The following LAP3 variants were observed in gnomAD, a reference collection of about 807,000 sequenced individuals.
LAP3 encodes cytosol aminopeptidase.
A neutral mutation model predicts 58.8 loss-of-function variants in LAP3; 46 were observed. That is an observed-to-expected ratio of 0.78 (90% CI 0.62 to 1.00). The LOEUF is 1.00. Ranked by LOEUF, LAP3 falls within the 50% of genes least tolerant of loss-of-function variation. The probability of loss-of-function intolerance (pLI) is 0.00; values close to 1 mark genes in which losing one functional copy is unlikely to be tolerated. For synonymous variants in LAP3, 257 were observed against 237.7 expected (o/e 1.08, Z -0.75); for missense variants, 615 against 659.1 (o/e 0.93, Z 0.73).
intron 11 of LAP3, among the ~76,000 whole-genome samples, chr4:17,606,495 C>T (rs971482845): frequency 1.3e-5 from 2 of 152,116 alleles, no homozygotes; most frequent in Non-Finnish European, 2.9e-5. Context: ...CGCACCACCA[C>T]GCCCAGCTAA....
At chr4:17,603,444 G>A (rs1714028200) in intron 10 of LAP3, among the ~76,000 whole-genome samples, 1 of 151,930 alleles carries the variant, frequency 6.6e-6, no homozygotes, top group Non-Finnish European at 1.5e-5. Flanking sequence ...GATTGCTTGA[G>A]CCCAGGAGTT....
intron 5 of LAP3, among the ~76,000 whole-genome samples, chr4:17,584,548 G>A (rs1713452766): frequency 6.6e-6 from 1 of 152,248 alleles, no homozygotes; most frequent in Non-Finnish European, 1.5e-5. Flanking sequence ...TGCCACGTTA[G>A]AGCCATTGCC....
intron 6 of LAP3, chr4:17,585,665 C>G (rs1411517389): frequency 6.6e-6 from 1 of 152,630 alleles, no homozygotes; most frequent in Non-Finnish European, 1.5e-5. Flanking sequence ...CTGAAGCAAT[C>G]TCACCTTTTC....
intron 10 of LAP3, among the ~76,000 whole-genome samples, chr4:17,603,842 T>C (rs974238249): frequency 2.9e-5 from 4 of 139,554 alleles, no homozygotes; most frequent in African/African-American, 1.0e-4. Flanking sequence ...TTCTTTTTTT[T>C]TTGAGACAGA....
At position 17,581,792 on chromosome 4, in the gene LAP3, G is replaced by A. The variant is rs781094926; in HGVS notation, c.251G>A (p.Arg84Gln). 8.1e-6 allele frequency: 13 copies of A among 1,613,702 alleles called. No individual in the cohort carries two copies. Among genetic ancestry groups the A allele is most frequent in the South Asian group, 3.3e-5 (3 of 91,058 alleles). ...SGPPLKAGKT[R>Q]TFYGLHQDFP... ...CCACCTCTGAAGGCAGGGAAGACTC[G>A]AACCTTTTATGGTCTGCATCAGGTA... The change falls in exon 3 of 13, where the codon CGA (arginine) becomes CAA (glutamine). Residue 84 changes from arginine (R) to glutamine (Q), a missense_variant. Physicochemically the swap from Arg to Gln is conservative, Grantham distance 43 (BLOSUM62 1). Coordinates refer to ENST00000226299, the MANE Select transcript of LAP3 (RefSeq NM_015907.3).
At chr4:17,582,238 T>G in intron 3 of LAP3, 50 bp from the exon 4 acceptor site, 1 of 1,449,068 alleles carries the variant, frequency 6.9e-7, no homozygotes, top group Non-Finnish European at 9.7e-7. Flanking sequence ...TTGCTGGAAA[T>G]GAATGCTTGA....
intron 8 of LAP3, 62 bp from the exon 9 acceptor site, chr4:17,596,984 C>T (rs902474258): frequency 1.2e-5 from 18 of 1,517,260 alleles, no homozygotes; most frequent in African/African-American, 5.5e-5. Context: ...GGCCTCTTGT[C>T]CCATAGGTGG....
At chr4:17,591,885 C>T (rs1458641854) in intron 7 of LAP3, among the ~76,000 whole-genome samples, 1 of 152,108 alleles carries the variant, frequency 6.6e-6, no homozygotes, top group African/African-American at 2.4e-5. Context: ...AGGGTTTCCA[C>T]CAAACAGAAT....
rs377335261 is a variant in LAP3 at position 17,588,766 on chromosome 4, T to C, written c.705-53T>C. On this transcript the variant is annotated intron_variant, in intron 6 of 12. Transcript: ENST00000226299. ...ACACTGTGATGAGCTTTTTCTGTTA[T>C]TTTGAAATAAAGGTAACAGTATATT... 2.9e-5 allele frequency: 44 copies of C among 1,515,148 alleles called. No homozygotes were observed. In the East Asian group the frequency reaches 3.2e-4, roughly 11 times the overall value. 93.9% of individuals were successfully genotyped at this position (1,515,148 alleles called of 1,614,324 possible). A position where few individuals can be genotyped will look rare whatever the true frequency, so the allele number is the denominator to read the frequency against.
rs572995281 is a variant in LAP3 at position 17,577,607 on chromosome 4, C to T, written c.102+40C>T. On this transcript the variant is annotated intron_variant, in intron 1 of 12. Transcript: ENST00000226299. ...CTCGCTCATGGTCCGCCGCTGGGGC[C>T]CTGCCCGTGGGCTACTGGGGCTGCG... The T allele has an allele frequency of 3.4e-6, 5 of 1,471,172 alleles. No individual in the cohort carries two copies. In the East Asian group the frequency reaches 8.0e-5, roughly 24 times the overall value. 91.1% of individuals were successfully genotyped at this position (1,471,172 alleles called of 1,614,324 possible).
rs143346679 is a variant in LAP3 at position 17,588,933 on chromosome 4, C to T, written c.819C>T (p.Asn273=). 2.1e-5 allele frequency: 34 copies of T among 1,614,172 alleles called. No homozygotes were observed. Among genetic ancestry groups the T allele is most frequent in the East Asian group, 1.6e-4 (7 of 44,890 alleles). Reference sequence around the variant, plus strand: ...ACTACAAAGGCAGCCCCAATGCAAACGAACCACCCCTGGTGTTTGTTGGGA... The same window carrying T: ...ACTACAAAGGCAGCCCCAATGCAAATGAACCACCCCTGGTGTTTGTTGGGA... ...EIHYKGSPNA[N]EPPLVFVGKG... The change falls in exon 7 of 13, where the codon AAC becomes AAT. Residue 273 remains asparagine (N), a synonymous_variant. Coordinates refer to ENST00000226299, the MANE Select transcript of LAP3 (RefSeq NM_015907.3).
At chr4:17,596,520 G>A (rs750415966) in intron 8 of LAP3, among the ~76,000 whole-genome samples, 1 of 151,990 alleles carries the variant, frequency 6.6e-6, no homozygotes, top group Non-Finnish European at 1.5e-5. Context: ...TGTATTTTTA[G>A]TAGAGACGGG....
intron 8 of LAP3, among the ~76,000 whole-genome samples, chr4:17,595,943 T>A (rs1317279443): frequency 1.3e-5 from 2 of 152,044 alleles, no homozygotes; most frequent in African/African-American, 4.8e-5. Context: ...AAAGTGCTCA[T>A]TATGTGGCAG....
At chr4:17,606,658 C>G (rs929070999) in intron 11 of LAP3, among the ~76,000 whole-genome samples, 171 bp from the exon 12 acceptor site, 5 of 151,954 alleles carry the variant, frequency 3.3e-5, no homozygotes, top group African/African-American at 7.3e-5. Context: ...TTTTATAGTT[C>G]TAAAATAAAT....
chr4:17,586,926 C>T (rs988940400), intron 6 of LAP3, among the ~76,000 whole-genome samples: 2 of 152,030 alleles, frequency 1.3e-5, no homozygotes, highest in African/African-American at 2.4e-5. Flanking sequence ...GCCAACATGG[C>T]GAAACACCAT....
chr4:17,606,730 G>A (rs1714152618), intron 11 of LAP3, 99 bp from the exon 12 acceptor site: 1 of 698,576 alleles, frequency 1.4e-6, no homozygotes, highest in Non-Finnish European at 2.5e-6. Context: ...AGAGTAACAG[G>A]TTAGAACAAC....
intron 11 of LAP3, among the ~76,000 whole-genome samples, chr4:17,605,762 C>T (rs1714111793): frequency 6.6e-6 from 1 of 152,090 alleles, no homozygotes. Context: ...CCCTCTCTTT[C>T]ATGGCACCCA....
In LAP3 at chr4:17,584,984, G is replaced by A. The variant is rs752682593; in HGVS notation, c.552G>A (p.Glu184=). 1 of 1,613,904 alleles carries A rather than the reference G, an allele frequency of 6.2e-7. No individual in the cohort carries two copies. The highest frequency in any genetic ancestry group is 8.5e-7 in the Non-Finnish European group (1 of 1,179,948). ...SAKLYGSGDQ[E]AWQKGVLFAS... ...TTTCTTCTGCCAGTGGGGATCAGGA[G>A]GCCTGGCAGAAAGGAGTCCTGTTTG... Residue 184 remains glutamate, a synonymous_variant, in exon 6 of 13, where the codon GAG becomes GAA. Coordinates refer to ENST00000226299, the MANE Select transcript of LAP3 (RefSeq NM_015907.3).
Position 17,581,815 on chromosome 4 carries a change from G to A in LAP3, c.273+1G>A. The A allele has an allele frequency of 6.2e-7, 1 of 1,612,808 alleles. No individual in the cohort carries two copies. Among genetic ancestry groups the A allele is most frequent in the Non-Finnish European group, 8.5e-7 (1 of 1,178,890 alleles). ...TCGAACCTTTTATGGTCTGCATCAGGTATGAGAAGAACGTGATCATTTGGT... is the reference window on the plus strand; with the variant it reads ...TCGAACCTTTTATGGTCTGCATCAGATATGAGAAGAACGTGATCATTTGGT... On this transcript the variant is annotated splice_donor_variant, in intron 3 of 12. Transcript: ENST00000226299. LOFTEE classifies it high-confidence loss of function.
Sources: allele counts gnomAD v4.1 joint callset (sites outside exome capture counted in the v4.1 genomes callset), GRCh38; gene constraint gnomAD v4.1.1; transcripts MANE v1.5; gene names NCBI Gene and HGNC (gene_info 2026-07-23, HGNC 2026-07-21).